ADAM12: variants seen among roughly 807,000 people sequenced by gnomAD.
ADAM12 encodes the protein disintegrin and metalloproteinase domain-containing protein 12.
Under a neutral mutation model 106.4 loss-of-function variants are expected in ADAM12, and 70 were observed. That is an observed-to-expected ratio of 0.66 (90% CI 0.54 to 0.80). The LOEUF (loss-of-function observed/expected upper bound fraction) is 0.80, where lower values mean the gene tolerates loss of function less well. Among genes scored for constraint, ADAM12 ranks in the 30% least tolerant of loss-of-function variants. The pLI is 0.00. For missense variants in ADAM12, 1,010 were observed against 1,171.9 expected (o/e 0.86, Z 2.02); for synonymous variants, 420 against 433.5 (o/e 0.97, Z 0.39).
chr10:126,377,344 C>A (rs902137895), intron 1 of ADAM12, among the ~76,000 whole-genome samples: 1 of 152,168 alleles, frequency 6.6e-6, no homozygotes, highest in Non-Finnish European at 1.5e-5. Flanking sequence ...AGCTGAGGAG[C>A]AAGGAAGCCC....
intron 9 of ADAM12, among the ~76,000 whole-genome samples, chr10:126,099,192 C>A (rs934672055): frequency 6.6e-6 from 1 of 152,148 alleles, no homozygotes; most frequent in Non-Finnish European, 1.5e-5. Flanking sequence ...CAACCTCATG[C>A]ATGAAAAACA....
intron 3 of ADAM12, among the ~76,000 whole-genome samples, chr10:126,227,344 C>T (rs1958217326): frequency 6.6e-6 from 1 of 152,122 alleles, no homozygotes; most frequent in South Asian, 2.1e-4. Context: ...AACCACATCA[C>T]CGCTGTTATC....
chr10:126,252,093 GGGATGGATT>G (rs796360356), intron 3 of ADAM12, among the ~76,000 whole-genome samples: 3 of 95,944 alleles, frequency 3.1e-5, no homozygotes, highest in African/African-American at 1.1e-4. Flanking sequence ...TTAGATGGAT[GGGATGGATT>G]GGATGGATGG....
intron 1 of ADAM12, among the ~76,000 whole-genome samples, chr10:126,350,295 A>T (rs1161514726): frequency 2.6e-5 from 4 of 152,232 alleles, no homozygotes; most frequent in Non-Finnish European, 5.9e-5. Context: ...GGAATCAAGC[A>T]ATTTGTGTTT....
intron 3 of ADAM12, among the ~76,000 whole-genome samples, chr10:126,160,521 G>A (rs905528571): frequency 6.6e-6 from 1 of 152,074 alleles, no homozygotes; most frequent in South Asian, 2.1e-4. Context: ...ACCTGATATC[G>A]GAACTCCTTC....
At chr10:126,263,192 G>C (rs1959034642) in intron 3 of ADAM12, among the ~76,000 whole-genome samples, 1 of 152,172 alleles carries the variant, frequency 6.6e-6, no homozygotes, top group Non-Finnish European at 1.5e-5. Context: ...TCTGCCAGTA[G>C]GATCAGTTTA....
chr10:126,343,616 A>G (rs1230272810), intron 1 of ADAM12, among the ~76,000 whole-genome samples: 2 of 152,158 alleles, frequency 1.3e-5, no homozygotes, highest in Admixed American at 1.3e-4. Context: ...CATCTTTCAC[A>G]ATGGTTGAAC....
At chr10:126,094,831 G>A (rs949669702) in intron 10 of ADAM12, among the ~76,000 whole-genome samples, 1 of 152,112 alleles carries the variant, frequency 6.6e-6, no homozygotes, top group East Asian at 1.9e-4. Context: ...CTTGCGGCTG[G>A]GGGTTCATTA....
At chr10:126,255,418 C>G (rs940114857) in intron 3 of ADAM12, among the ~76,000 whole-genome samples, 4 of 152,116 alleles carry the variant, frequency 2.6e-5, no homozygotes, top group Non-Finnish European at 1.5e-5. Flanking sequence ...GCTTCCTCCC[C>G]ACGGCTCCAC....
chr10:126,193,624 C>T (rs898893111), intron 3 of ADAM12, among the ~76,000 whole-genome samples: 7 of 152,130 alleles, frequency 4.6e-5, no homozygotes, highest in South Asian at 2.1e-4. Flanking sequence ...GGGCCAGGTG[C>T]GGTGGCTCAC....
At chr10:126,095,680 C>A (rs1300066262) in intron 10 of ADAM12, among the ~76,000 whole-genome samples, 1 of 151,756 alleles carries the variant, frequency 6.6e-6, no homozygotes, top group Non-Finnish European at 1.5e-5. Flanking sequence ...AGAAGAGGGA[C>A]CTGAGCTAGT....
At chr10:126,288,000 C>T (rs1959954772) in intron 2 of ADAM12, among the ~76,000 whole-genome samples, 2 of 151,416 alleles carry the variant, frequency 1.3e-5, no homozygotes. Context: ...GTCGGGGATG[C>T]AGGAGGAACA....
At chr10:126,250,447 G>A (rs1354940318) in intron 3 of ADAM12, among the ~76,000 whole-genome samples, 1 of 152,106 alleles carries the variant, frequency 6.6e-6, no homozygotes, top group African/African-American at 2.4e-5. Flanking sequence ...ACATTTTTAG[G>A]CAGGGAATAT....
intron 11 of ADAM12, among the ~76,000 whole-genome samples, chr10:126,087,318 C>A (rs1275707403): frequency 6.6e-6 from 1 of 152,158 alleles, no homozygotes; most frequent in Non-Finnish European, 1.5e-5. Flanking sequence ...CATATTGATG[C>A]GCCCTTCTTG....
intron 4 of ADAM12, 76 bp downstream of exon 4, chr10:126,155,151 C>T (rs567579546): frequency 1.4e-5 from 22 of 1,525,298 alleles, no homozygotes; most frequent in African/African-American, 4.1e-5. Flanking sequence ...GATTTTGCTC[C>T]GAATAAAATG....
intron 11 of ADAM12, among the ~76,000 whole-genome samples, chr10:126,079,860 AG>A (rs1364791121): frequency 1.3e-5 from 2 of 152,214 alleles, no homozygotes; most frequent in African/African-American, 2.4e-5. Flanking sequence ...AATCATAGGC[AG>A]GATCTGTCAG....
intron 2 of ADAM12, among the ~76,000 whole-genome samples, chr10:126,312,950 A>T (rs1961179009): frequency 6.6e-6 from 1 of 152,212 alleles, no homozygotes; most frequent in Non-Finnish European, 1.5e-5. Context: ...TTTCAGTAAT[A>T]CATTATTACT....
At chr10:126,208,121 G>A (rs1957831026) in intron 3 of ADAM12, among the ~76,000 whole-genome samples, 1 of 152,190 alleles carries the variant, frequency 6.6e-6, no homozygotes, top group East Asian at 1.9e-4. Context: ...TCAGCTGACT[G>A]AGATAAGGGA....
chr10:126,261,499 A>G (rs1959000422), intron 3 of ADAM12, among the ~76,000 whole-genome samples: 1 of 152,156 alleles, frequency 6.6e-6, no homozygotes, highest in African/African-American at 2.4e-5. Context: ...GATACCCTAT[A>G]GTGAGTATTT....
Sources: allele counts gnomAD v4.1 joint callset (sites outside exome capture counted in the v4.1 genomes callset), GRCh38; gene constraint gnomAD v4.1.1; transcripts MANE v1.5; gene names NCBI Gene and HGNC (gene_info 2026-07-23, HGNC 2026-07-21).